The following BABAM2 variants were observed in gnomAD, a reference collection of about 807,000 sequenced individuals.
BABAM2 encodes BRISC and BRCA1 A complex member 2.
Under a neutral mutation model 54.7 loss-of-function variants are expected in BABAM2, and 31 were observed. The ratio of observed to expected loss-of-function variants is 0.57; its 90% CI spans 0.43 to 0.77. The LOEUF (loss-of-function observed/expected upper bound fraction) is 0.77, where lower values mean the gene tolerates loss of function less well. Among genes scored for constraint, BABAM2 ranks in the 30% least tolerant of loss-of-function variants. The probability of loss-of-function intolerance (pLI) is 0.00; values close to 1 mark genes in which losing one functional copy is unlikely to be tolerated. For missense variants in BABAM2, 364 were observed against 455.8 expected (o/e 0.80, Z 1.83); for synonymous variants, 167 against 162.9 (o/e 1.03, Z -0.19).
intron 10 of BABAM2, among the ~76,000 whole-genome samples, chr2:28,288,943 C>T (rs964823031): frequency 1.4e-4 from 21 of 151,168 alleles, no homozygotes; most frequent in Non-Finnish European, 2.7e-4. Flanking sequence ...TCCTGGCACT[C>T]TACCCACTGT....
chr2:28,338,188 G>C (rs1466008428), intron 11 of BABAM2, among the ~76,000 whole-genome samples: 2 of 152,208 alleles, frequency 1.3e-5, no homozygotes, highest in Non-Finnish European at 2.9e-5. Context: ...CCTAAGTGCA[G>C]ATATCTCATA....
intron 5 of BABAM2, among the ~76,000 whole-genome samples, chr2:28,043,171 C>T (rs1677264099): frequency 6.7e-6 from 1 of 149,404 alleles, no homozygotes; most frequent in African/African-American, 2.5e-5. Flanking sequence ...CTCTGTCGCC[C>T]AGGCTAGAGT....
chr2:28,044,309 A>C (rs1318842886), intron 5 of BABAM2, among the ~76,000 whole-genome samples: 2 of 152,188 alleles, frequency 1.3e-5, no homozygotes, highest in East Asian at 3.8e-4. Context: ...GGCTCACTGC[A>C]AACTCTGCCT....
At chr2:28,045,945 C>T in intron 6 of BABAM2, 146 bp downstream of exon 6, 3 of 622,856 alleles carry the variant, frequency 4.8e-6, no homozygotes, top group Non-Finnish European at 7.7e-6. Context: ...TTCCATTGAG[C>T]TGTTTTGCTG....
At chr2:28,254,121 G>A (rs1478490776) in intron 10 of BABAM2, among the ~76,000 whole-genome samples, 1 of 152,128 alleles carries the variant, frequency 6.6e-6, no homozygotes, top group Admixed American at 6.6e-5. Context: ...TTTAGATGTG[G>A]GAGTAGCCCA....
At chr2:28,070,993 G>A (rs1573518504) in intron 6 of BABAM2, among the ~76,000 whole-genome samples, 2 of 152,048 alleles carry the variant, frequency 1.3e-5, no homozygotes, top group East Asian at 1.9e-4. Flanking sequence ...GTTACTCAAC[G>A]CCCCCGCCCC....
intron 7 of BABAM2, among the ~76,000 whole-genome samples, chr2:28,153,981 A>C (rs73922247): frequency 0.011 from 1,688 of 152,290 alleles, 30 homozygotes; most frequent in African/African-American, 0.039. Flanking sequence ...GTTGCACAGA[A>C]AGTTGGACTC....
chr2:27,892,909 T>C (rs150786961), intron 1 of BABAM2, among the ~76,000 whole-genome samples: 79 of 152,332 alleles, frequency 5.2e-4, no homozygotes, highest in African/African-American at 1.8e-3. Context: ...AAGGTGTTAA[T>C]CTCGAAGATA....
intron 7 of BABAM2, among the ~76,000 whole-genome samples, chr2:28,229,011 T>G (rs1681137979): frequency 6.6e-6 from 1 of 152,212 alleles, no homozygotes; most frequent in Non-Finnish European, 1.5e-5. Flanking sequence ...CCACCTTCTT[T>G]CTACTGGAAA....
At chr2:28,002,498 G>A (rs114271604) in intron 4 of BABAM2, among the ~76,000 whole-genome samples, 4,970 of 151,844 alleles carry the variant, frequency 0.033, 285 homozygotes, top group African/African-American at 0.11. Flanking sequence ...TTGCAATAAA[G>A]TTTTTTTTAA....
chr2:27,923,685 A>G (rs184374046), intron 2 of BABAM2, among the ~76,000 whole-genome samples: 15 of 151,668 alleles, frequency 9.9e-5, no homozygotes, highest in Admixed American at 9.2e-4. Flanking sequence ...ACAATGCAGA[A>G]AGCAGATGGG....
intron 5 of BABAM2, among the ~76,000 whole-genome samples, chr2:28,037,540 T>C (rs913721107): frequency 1.3e-5 from 2 of 152,234 alleles, no homozygotes; most frequent in African/African-American, 4.8e-5. Flanking sequence ...TATGTCACTT[T>C]GCATGTGTTC....
chr2:28,255,129 C>T (rs1683857753), intron 10 of BABAM2, among the ~76,000 whole-genome samples: 1 of 151,642 alleles, frequency 6.6e-6, no homozygotes. Context: ...GTTCAGATTT[C>T]CCCATTTGTC....
chr2:28,296,450 C>T (rs866588965), intron 10 of BABAM2, among the ~76,000 whole-genome samples: 3 of 152,102 alleles, frequency 2.0e-5, no homozygotes, highest in African/African-American at 7.2e-5. Context: ...TCTGTAGAAA[C>T]CCCCTGCAGC....
At chr2:28,195,745 G>T (rs565448680) in intron 7 of BABAM2, among the ~76,000 whole-genome samples, 2 of 152,304 alleles carry the variant, frequency 1.3e-5, no homozygotes, top group African/African-American at 4.8e-5. Context: ...TTTGACACAG[G>T]CCATCAGCAG....
At chr2:28,185,858 C>G (rs1432802804) in intron 7 of BABAM2, among the ~76,000 whole-genome samples, 2 of 152,092 alleles carry the variant, frequency 1.3e-5, no homozygotes, top group East Asian at 3.9e-4. Flanking sequence ...TCACTTGAGC[C>G]CAGGAATCGT....
intron 11 of BABAM2, chr2:28,308,598 G>C (rs955197748): frequency 2.4e-6 from 1 of 424,774 alleles, no homozygotes; most frequent in Non-Finnish European, 4.5e-6. Context: ...AATCCAGCTA[G>C]TTGATTCTAT....
chr2:28,291,740 G>T (rs1282131679), intron 10 of BABAM2, among the ~76,000 whole-genome samples: 1 of 152,222 alleles, frequency 6.6e-6, no homozygotes, highest in Admixed American at 6.5e-5. Flanking sequence ...GATAATAAAT[G>T]GAGATACCTT....
At chr2:28,065,281 T>TA (rs1679219086) in intron 6 of BABAM2, among the ~76,000 whole-genome samples, 1 of 152,130 alleles carries the variant, frequency 6.6e-6, no homozygotes, top group South Asian at 2.1e-4. Flanking sequence ...GTATTAAACA[T>TA]AAAAAAAGAT....
Sources: allele counts gnomAD v4.1 joint callset (sites outside exome capture counted in the v4.1 genomes callset), GRCh38; gene constraint gnomAD v4.1.1; transcripts MANE v1.5; gene names NCBI Gene and HGNC (gene_info 2026-07-23, HGNC 2026-07-21).